ERICH3: variants seen among roughly 807,000 people sequenced by gnomAD.
ERICH3 encodes glutamate rich 3.
ERICH3 carries 126 observed loss-of-function variants against 131.1 expected under a neutral mutation model. The observed-to-expected ratio is 0.96, with a 90% CI of 0.83 to 1.11. ERICH3 has a LOEUF of 1.11. Among genes scored for constraint, ERICH3 ranks in the 50% most tolerant of loss-of-function variants. The pLI, the probability that ERICH3 is intolerant of heterozygous loss-of-function variation, is 0.00. For synonymous variants in ERICH3, 695 were observed against 644.6 expected, an observed-to-expected ratio of 1.08 and a Z score of -1.18; for missense variants, 2,050 against 1,810.7, an observed-to-expected ratio of 1.13 and a Z score of -2.40.
intron 1 of ERICH3, among the ~76,000 whole-genome samples, chr1:74,655,358 C>T (rs556796000): frequency 7.9e-5 from 12 of 152,130 alleles, no homozygotes; most frequent in Non-Finnish European, 1.8e-4. Flanking sequence ...AAGACAGAAA[C>T]GACTCAAATT....
At chr1:74,579,498 C>T (rs952610974) in intron 12 of ERICH3, 10 of 985,172 alleles carry the variant, frequency 1.0e-5, no homozygotes, top group South Asian at 9.4e-5. Context: ...GATTAGCCTT[C>T]GGAAGTAGAT....
intron 11 of ERICH3, among the ~76,000 whole-genome samples, chr1:74,592,428 C>T (rs1358611256): frequency 1.3e-5 from 2 of 152,112 alleles, no homozygotes; most frequent in Non-Finnish European, 2.9e-5. Context: ...AACATCAGCT[C>T]TGATTTATTA....
Position 74,612,698 on chromosome 1 carries a change from C to G in ERICH3, c.1112G>C (p.Arg371Pro). 1 of 1,603,472 alleles carries G rather than the reference C, an allele frequency of 6.2e-7. No homozygotes were observed. The highest frequency in any genetic ancestry group is 8.5e-7 in the Non-Finnish European group (1 of 1,172,024). Residue 371 changes from arginine (R) to proline (P), a missense_variant, in exon 9 of 15, where the codon CGG becomes CCG. Physicochemically the swap from Arg to Pro is moderately radical, Grantham distance 103. Coordinates refer to ENST00000326665, the MANE Select transcript of ERICH3 (RefSeq NM_001002912.5). ...RLSSCCEYKHRKGSRLGGKRG... is the reference protein window; with the variant it reads ...RLSSCCEYKHPKGSRLGGKRG... ...TTTGCCTCCAAGCCTGGAACCTTTCCGATGCTTGTATTCACAACAGGAGCT... is the reference window on the plus strand; with the variant it reads ...TTTGCCTCCAAGCCTGGAACCTTTCGGATGCTTGTATTCACAACAGGAGCT...
chr1:74,606,861 G>T lies in ERICH3; in HGVS notation c.1229C>A (p.Pro410Gln). 1 of 1,611,550 alleles carries T rather than the reference G, an allele frequency of 6.2e-7. No homozygotes were observed. The highest frequency in any genetic ancestry group is 8.5e-7 in the Non-Finnish European group (1 of 1,178,994). ...AGTGCTCTTTTCTTTCCTAGATTTC[G>T]GCAAAGACGGTTTTTTGTCAAGGCC... Reference protein sequence around the residue: ...AMGLDKKPSLPKSRKEKSTEK... With the variant: ...AMGLDKKPSLQKSRKEKSTEK... Residue 410 changes from proline to glutamine, a missense_variant, in exon 10 of 15, where the codon CCG (proline) becomes CAG (glutamine). Coordinates refer to ENST00000326665, the MANE Select transcript of ERICH3 (RefSeq NM_001002912.5).
At chr1:74,579,263 G>A (rs1647133006) in intron 12 of ERICH3, 7 of 460,260 alleles carry the variant, frequency 1.5e-5, no homozygotes, top group Non-Finnish European at 2.0e-5. Context: ...AGACATCAAA[G>A]CTTTTTCCAA....
In ERICH3 at chr1:74,620,826, T is replaced by C. The variant is rs150267079; in HGVS notation, c.908A>G (p.Asp303Gly). The C allele has an allele frequency of 6.9e-5, 111 of 1,613,438 alleles. No individual in the cohort carries two copies. In the African/African-American group the frequency reaches 1.4e-3, roughly 20 times the overall value. The change falls in exon 8 of 15, where the codon GAT (aspartate) becomes GGT (glycine). Residue 303 changes from aspartate to glycine, a missense_variant. Transcript: ENST00000326665. ...AATTTCATCCCGGAAGTCAGGATTATCAGAAGATAGGTGCACATTTTTCCC... is the reference window on the plus strand; with the variant it reads ...AATTTCATCCCGGAAGTCAGGATTACCAGAAGATAGGTGCACATTTTTCCC... Reference protein sequence around the residue: ...YLGKNVHLSSDNPDFRDEIKV... With the variant: ...YLGKNVHLSSGNPDFRDEIKV...
chr1:74,606,961 T>C lies in ERICH3; in HGVS notation c.1188-59A>G, dbSNP rs1268854236. ...CCCTTGTAGACAGCACAATGGAACC[T>C]CAAAGCTTTTGAAAGCACTTATCTC... On this transcript the variant is annotated intron_variant, in intron 9 of 14. Transcript: ENST00000326665. 1.4e-5 allele frequency: 20 copies of C among 1,463,392 alleles called. No individual in the cohort carries two copies. In the East Asian group the frequency reaches 4.6e-4, roughly 33 times the overall value. 90.7% of individuals were successfully genotyped at this position (1,463,392 alleles called of 1,614,324 possible). A position where few individuals can be genotyped will look rare whatever the true frequency, so the allele number is the denominator to read the frequency against.
In ERICH3 at chr1:74,655,176, T is replaced by C. The variant is rs540989671; in HGVS notation, c.24-5861A>G. 3.3e-5 allele frequency among the ~76,000 whole-genome samples: 5 copies of C among 152,288 alleles called. No individual in the cohort carries two copies. In the East Asian group the frequency reaches 7.7e-4, roughly 24 times the overall value. On this transcript the variant is annotated intron_variant, in intron 1 of 14. Transcript: ENST00000326665. The stretch of plus-strand genomic sequence containing the variant: ...TCAAAAGCATACTTGTTTGAAGAGA[T>C]ATTAAAAATAATTTTGGTTCAACCA...
intron 1 of ERICH3, among the ~76,000 whole-genome samples, chr1:74,660,125 T>G (rs1163204014): frequency 6.6e-6 from 1 of 152,124 alleles, no homozygotes; most frequent in Non-Finnish European, 1.5e-5. Context: ...TCTCATGAGA[T>G]CTGATGGCTT....
rs115474252 is a variant in ERICH3, at chr1:74,661,689, C to T, written c.23+11808G>A. 3.7e-3 allele frequency among the ~76,000 whole-genome samples: 561 copies of T among 152,206 alleles called. 4 individuals are homozygous for T. Among genetic ancestry groups the T allele is most frequent in the African/African-American group, 0.013 (531 of 41,536 alleles). ...ATCCTAAAGACTTAAGCAACATATA[C>T]TTTACACAAAGATCAAAATAAATAC... On this transcript the variant is annotated intron_variant, in intron 1 of 14. Coordinates refer to ENST00000326665, the MANE Select transcript of ERICH3 (RefSeq NM_001002912.5).
intron 1 of ERICH3, among the ~76,000 whole-genome samples, chr1:74,665,853 G>A (rs1332864550): frequency 6.6e-6 from 1 of 152,154 alleles, no homozygotes; most frequent in African/African-American, 2.4e-5. Flanking sequence ...ATTACAGTGG[G>A]AGGGGGAGGC....
chr1:74,578,343 A>C (rs1306144820), intron 12 of ERICH3: 1 of 166,614 alleles, frequency 6.0e-6, no homozygotes, highest in Non-Finnish European at 1.3e-5. Flanking sequence ...GTCATCACCC[A>C]GTGTGGTATG....
intron 3 of ERICH3, 87 bp from the exon 4 acceptor site, chr1:74,643,185 A>AATTGAGAATATAGT: frequency 2.3e-6 from 2 of 876,956 alleles, no homozygotes; most frequent in Non-Finnish European, 3.6e-6. Context: ...ACAGATAACT[A>AATTGAGAATATAGT]TATTCTCAAT....
rs61731318 is a variant in ERICH3, at chr1:74,573,407, G to A, written c.2303C>T (p.Thr768Ile). Residue 768 changes from threonine to isoleucine, a missense_variant, in exon 14 of 15, where the codon ACA becomes ATA. By Grantham distance (89) the Thr-to-Ile change is moderately conservative. Transcript: ENST00000326665. ...CTCCATTGCTTCTTTCTTCTCCAGT[G>A]TATACGTTTTTTGCACCAATTGCTG... ...ESQQLVQKTY[T>I]LEKKEAMEED... The A allele has an allele frequency of 4.4e-3, 6,929 of 1,591,566 alleles. 303 individuals carry two copies. The African/African-American group carries it at 0.084, about 19-fold the overall frequency.
In ERICH3 at chr1:74,599,884, A is replaced by AT. The variant is rs769157627; in HGVS notation, c.1536dup (p.Ser513IlefsTer2). The stretch of plus-strand genomic sequence containing the variant: ...ACATCAGCCTGTCCTTCTTCATTAG[A>AT]TTTTTCACCTTGTTTCTCCTCATCT... On this transcript the variant is annotated frameshift_variant, in exon 11 of 15. Transcript: ENST00000326665. LOFTEE classifies it high-confidence loss of function. 5 of 1,611,684 alleles carry AT rather than the reference A, an allele frequency of 3.1e-6. No individual in the cohort carries two copies. The highest frequency in any genetic ancestry group is 4.2e-6 in the Non-Finnish European group (5 of 1,178,726).
chr1:74,668,024 C>T (rs2100660693), intron 1 of ERICH3, among the ~76,000 whole-genome samples: 1 of 152,280 alleles, frequency 6.6e-6, no homozygotes, highest in African/African-American at 2.4e-5. Flanking sequence ...ACGTTCCTTG[C>T]TTCCCCTTCA....
chr1:74,632,842 A>G lies in ERICH3; in HGVS notation c.604-914T>C, dbSNP rs903799845. On this transcript the variant is annotated intron_variant, in intron 6 of 14. Coordinates refer to ENST00000326665, the MANE Select transcript of ERICH3 (RefSeq NM_001002912.5). Reference sequence around the variant, plus strand: ...TGGCTACCTTTAGGGATATACCTTCATATTGTTTTAGAGTTTAATCAGCAT... The same window carrying G: ...TGGCTACCTTTAGGGATATACCTTCGTATTGTTTTAGAGTTTAATCAGCAT... Among the ~76,000 whole-genome samples, 12 of 152,122 alleles carry G rather than the reference A, an allele frequency of 7.9e-5. No homozygotes were observed. The South Asian group carries it at 2.5e-3, about 32-fold the overall frequency.
At chr1:74,573,793 A>C (rs1450548387) in intron 13 of ERICH3, among the ~76,000 whole-genome samples, 1 of 152,106 alleles carries the variant, frequency 6.6e-6, no homozygotes, top group African/African-American at 2.4e-5. Flanking sequence ...AAGCAAAAAA[A>C]ATCTCATGTC....
At chr1:74,658,269 T>A (rs926000493) in intron 1 of ERICH3, among the ~76,000 whole-genome samples, 2 of 152,180 alleles carry the variant, frequency 1.3e-5, no homozygotes, top group East Asian at 1.9e-4. Flanking sequence ...TCCTTTCCCA[T>A]CTTAGCTAAT....
Sources: gnomAD v4.1 joint callset for allele counts (sites outside exome capture counted in the v4.1 genomes callset) on GRCh38, gnomAD v4.1.1 for gene constraint, MANE v1.5 for transcripts, NCBI Gene and HGNC (gene_info 2026-07-23, HGNC 2026-07-21) for gene names.